The following SPAG16 variants were observed in gnomAD, a reference collection of about 807,000 sequenced individuals.
SPAG16 encodes the protein sperm associated antigen 16.
Under a neutral mutation model 80.4 loss-of-function variants are expected in SPAG16, and 86 were observed. That is an observed-to-expected ratio of 1.07 (90% CI 0.90 to 1.28). The LOEUF (loss-of-function observed/expected upper bound fraction) is 1.28. SPAG16 is among the 50% of genes most tolerant of loss of function. SPAG16 has a pLI of 0.00. For synonymous variants in SPAG16, 294 were observed against 265.9 expected (o/e 1.11, Z -1.03); for missense variants, 870 against 765.3 (o/e 1.14, Z -1.61).
In SPAG16 at chr2:214,177,605, G is replaced by T. The variant is rs75490695; in HGVS notation, c.1720+28339G>T. Among the ~76,000 whole-genome samples, 21 of 150,476 alleles carry T rather than the reference G, an allele frequency of 1.4e-4. 2 individuals carry two copies. The East Asian group carries it at 4.1e-3, about 29-fold the overall frequency. ...CGAAATAAATTCTTTTGTCATCTTT[G>T]TAAGAATTATGACAGAAGGTAGGTT... On this transcript the variant is annotated intron_variant, in intron 15 of 15. Transcript: ENST00000331683.
chr2:214,371,166 G>T (rs1359724718), intron 15 of SPAG16, among the ~76,000 whole-genome samples: 1 of 152,118 alleles, frequency 6.6e-6, no homozygotes, highest in Admixed American at 6.5e-5. Flanking sequence ...CTTCAGTGAG[G>T]TTGCTCTAAT....
chr2:213,691,813 ATTGT>A (rs2064954883), intron 10 of SPAG16, among the ~76,000 whole-genome samples: 1 of 152,156 alleles, frequency 6.6e-6, no homozygotes, highest in Non-Finnish European at 1.5e-5. Flanking sequence ...GGTGGCAATC[ATTGT>A]TTGTTGTGCT....
At chr2:214,149,392 A>G (rs1015269442) in intron 15 of SPAG16, 126 bp downstream of exon 15, 12 of 778,900 alleles carry the variant, frequency 1.5e-5, no homozygotes, top group South Asian at 1.3e-4. Context: ...ATTACATTAT[A>G]TTACATTACA....
At chr2:214,097,729 T>A (rs1324360146) in intron 13 of SPAG16, among the ~76,000 whole-genome samples, 1 of 152,016 alleles carries the variant, frequency 6.6e-6, no homozygotes, top group African/African-American at 2.4e-5. Flanking sequence ...ACGTGCTAAT[T>A]CATCGTTGTG....
chr2:213,855,232 C>A (rs1363212272), intron 10 of SPAG16, among the ~76,000 whole-genome samples: 1 of 152,168 alleles, frequency 6.6e-6, no homozygotes, highest in Admixed American at 6.5e-5. Context: ...TGAATAAGTA[C>A]CCTAGACACA....
At chr2:214,047,679 A>G (rs1184283510) in intron 13 of SPAG16, among the ~76,000 whole-genome samples, 1 of 152,208 alleles carries the variant, frequency 6.6e-6, no homozygotes, top group Non-Finnish European at 1.5e-5. Flanking sequence ...AAGCGAAGCA[A>G]ACATGGATAA....
At chr2:214,181,298 A>C (rs17815917) in intron 15 of SPAG16, among the ~76,000 whole-genome samples, 37,307 of 151,586 alleles carry the variant, frequency 0.25, 5,126 homozygotes, top group South Asian at 0.33. Flanking sequence ...ATAAGAACTG[A>C]ACATGATGTA....
intron 12 of SPAG16, among the ~76,000 whole-genome samples, chr2:213,956,747 G>A (rs1361521290): frequency 6.6e-6 from 1 of 151,972 alleles, no homozygotes; most frequent in African/African-American, 2.4e-5. Context: ...CACCACGCCT[G>A]GACTTACTTG....
chr2:214,267,675 A>G (rs1220718394), intron 15 of SPAG16, among the ~76,000 whole-genome samples: 4 of 151,908 alleles, frequency 2.6e-5, no homozygotes, highest in Non-Finnish European at 5.9e-5. Flanking sequence ...GATATCCCAC[A>G]AATAAATTCT....
At chr2:213,908,053 G>A (rs1013624501) in intron 11 of SPAG16, among the ~76,000 whole-genome samples, 2 of 152,174 alleles carry the variant, frequency 1.3e-5, no homozygotes, top group African/African-American at 2.4e-5. Context: ...TTGACGTGGT[G>A]AATATGCTAA....
chr2:213,558,990 A>G, intron 10 of SPAG16, among the ~76,000 whole-genome samples: 1 of 152,178 alleles, frequency 6.6e-6, no homozygotes, highest in Non-Finnish European at 1.5e-5. Flanking sequence ...TCATAATGGC[A>G]TAATTACATG....
At position 213,686,688 on chromosome 2, in the gene SPAG16, T is replaced by C. The variant is rs920692750; in HGVS notation, c.1071-175797T>C. ...TATTAATCCACCTTTTTTTTTTTTT[T>C]TTTTTTTTTTTTTTTTGAGACAGAG... On this transcript the variant is annotated intron_variant, in intron 10 of 15. Transcript: ENST00000331683. Among the ~76,000 whole-genome samples, 194 of 131,908 alleles carry C rather than the reference T, an allele frequency of 1.5e-3. 5 individuals carry two copies. Among genetic ancestry groups the C allele is most frequent in the African/African-American group, 4.9e-3 (175 of 35,682 alleles). The allele number at this position is 131,908 out of a possible 152,430, so 86.5% of individuals were successfully genotyped here. A position where few individuals can be genotyped will look rare whatever the true frequency, so the allele number is the denominator to read the frequency against.
chr2:213,949,703 G>A (rs2079649809), intron 12 of SPAG16, among the ~76,000 whole-genome samples: 1 of 152,010 alleles, frequency 6.6e-6, no homozygotes, highest in Admixed American at 6.6e-5. Context: ...GCCTACTTAG[G>A]CCTTCATTTT....
chr2:213,794,337 A>T (rs1037828642), intron 10 of SPAG16, among the ~76,000 whole-genome samples: 3 of 152,156 alleles, frequency 2.0e-5, no homozygotes, highest in African/African-American at 4.8e-5. Context: ...CACATTGTAC[A>T]GTTTTAATAT....
intron 15 of SPAG16, among the ~76,000 whole-genome samples, chr2:214,346,646 C>A (rs1214267060): frequency 6.6e-6 from 1 of 152,174 alleles, no homozygotes; most frequent in African/African-American, 2.4e-5. Context: ...GCATTAGCCA[C>A]ATTGCTCACT....
chr2:213,575,409 G>A (rs2060089516), intron 10 of SPAG16, among the ~76,000 whole-genome samples: 1 of 152,008 alleles, frequency 6.6e-6, no homozygotes, highest in Non-Finnish European at 1.5e-5. Flanking sequence ...GGTATTTATT[G>A]ATTTCATTTA....
chr2:214,323,377 T>C (rs1696246032), intron 15 of SPAG16, among the ~76,000 whole-genome samples: 2 of 151,782 alleles, frequency 1.3e-5, no homozygotes, highest in Non-Finnish European at 2.9e-5. Context: ...ATGCTTATAT[T>C]TAAGAAAAGA....
intron 9 of SPAG16, among the ~76,000 whole-genome samples, chr2:213,466,235 T>C (rs1254289387): frequency 6.6e-6 from 1 of 152,076 alleles, no homozygotes; most frequent in Non-Finnish European, 1.5e-5. Context: ...CTTAATAAAG[T>C]CCCCTTTATA....
At chr2:213,904,164 C>T (rs1233680053) in intron 11 of SPAG16, among the ~76,000 whole-genome samples, 2 of 152,180 alleles carry the variant, frequency 1.3e-5, no homozygotes, top group African/African-American at 4.8e-5. Flanking sequence ...GTTCCAAAGT[C>T]GGTTCCACAT....
Sources: allele counts gnomAD v4.1 joint callset (sites outside exome capture counted in the v4.1 genomes callset), GRCh38; gene constraint gnomAD v4.1.1; transcripts MANE v1.5; gene names NCBI Gene and HGNC (gene_info 2026-07-23, HGNC 2026-07-21).